The following DYNC2LI1 variants were observed in gnomAD, a reference collection of about 807,000 sequenced individuals.
DYNC2LI1 encodes cytoplasmic dynein 2 light intermediate chain 1.
Under a neutral mutation model 51.9 loss-of-function variants are expected in DYNC2LI1, and 45 were observed. The ratio of observed to expected loss-of-function variants is 0.87; its 90% CI spans 0.68 to 1.11. The LOEUF (loss-of-function observed/expected upper bound fraction) is 1.11. Ranked by LOEUF, DYNC2LI1 falls within the 50% of genes most tolerant of loss-of-function variation. DYNC2LI1 has a pLI of 0.00. For synonymous variants in DYNC2LI1, 130 were observed against 137.8 expected (o/e 0.94, Z 0.40); for missense variants, 490 against 417.4 (o/e 1.17, Z -1.51).
downstream of DYNC2LI1, chr2:43,810,019 A>G (rs1487075946): frequency 2.9e-6 from 3 of 1,038,528 alleles, no homozygotes; most frequent in Non-Finnish European, 3.7e-6. Flanking sequence ...AACATGTTTA[A>G]GTGGTATATA....
At chr2:43,819,059 G>C in the DYNC2LI1 span, among the ~76,000 whole-genome samples, 5 of 152,118 alleles carry the variant, frequency 3.3e-5, no homozygotes, top group Admixed American at 6.6e-5. Flanking sequence ...ATTGCTCTGA[G>C]AGTTAAATAA....
intron 10 of DYNC2LI1, among the ~76,000 whole-genome samples, chr2:43,802,498 G>A (rs1460329315): frequency 6.6e-6 from 1 of 151,968 alleles, no homozygotes; most frequent in Non-Finnish European, 1.5e-5. Context: ...GAATGGAGGT[G>A]ATTTTGCTTA....
rs776679741 is a variant in DYNC2LI1 at position 43,789,749 on chromosome 2, G to A, written c.320+28G>A. 26 of 1,595,790 alleles carry A rather than the reference G, an allele frequency of 1.6e-5. No individual in the cohort carries two copies. The African/African-American group carries it at 2.3e-4, about 14-fold the overall frequency. On this transcript the variant is annotated intron_variant, in intron 5 of 12. Coordinates refer to ENST00000260605, the MANE Select transcript of DYNC2LI1 (RefSeq NM_016008.4). ...AAGTGAGCCAGCTCCAGGAAAACCT[G>A]TAAGTACACAGGAGTGTCCCTAGGA...
At chr2:43,781,667 A>T (rs1359481422) in intron 2 of DYNC2LI1, 1 of 141,084 alleles carries the variant, frequency 7.1e-6, no homozygotes, top group East Asian at 2.0e-4. Flanking sequence ...CAGTGGTGTG[A>T]TCTCGGCTCA....
At chr2:43,813,263 A>T, downstream of DYNC2LI1, 1 of 1,613,962 alleles carries the variant, frequency 6.2e-7, no homozygotes, top group Non-Finnish European at 8.5e-7. Context: ...GAATTCCTTG[A>T]GTGAAGGCAC....
At chr2:43,791,406 T>G (rs1673777914) in intron 5 of DYNC2LI1, among the ~76,000 whole-genome samples, 1 of 152,100 alleles carries the variant, frequency 6.6e-6, no homozygotes. Flanking sequence ...GCTGGGGTTG[T>G]GGAAATTCTA....
At chr2:43,820,192 G>A in the DYNC2LI1 span, 26 of 1,459,146 alleles carry the variant, frequency 1.8e-5, no homozygotes, top group Non-Finnish European at 2.4e-5. Flanking sequence ...CCTTTGTGGT[G>A]AGTGGGTGGG....
In DYNC2LI1 at chr2:43,800,836, T is replaced by G; in HGVS notation, c.655-5T>G. ...ATGTAATTTGTTCTCCTGATTTGTT[T>G]AAAGTTTACCAGTAAATCAGAAGCT... is the stretch of plus-strand genomic sequence containing the variant. On this transcript the variant is annotated splice_region_variant and splice_polypyrimidine_tract_variant and intron_variant, in intron 8 of 12. Coordinates refer to ENST00000260605, the MANE Select transcript of DYNC2LI1 (RefSeq NM_016008.4). 1 of 1,556,872 alleles carries G rather than the reference T, an allele frequency of 6.4e-7. No individual in the cohort carries two copies. The highest frequency in any genetic ancestry group is 8.8e-7 in the Non-Finnish European group (1 of 1,140,718).
the DYNC2LI1 span, chr2:43,828,165 T>C: frequency 1.9e-6 from 3 of 1,612,084 alleles, no homozygotes; most frequent in Non-Finnish European, 2.5e-6. Flanking sequence ...GTGGCTGCTA[T>C]TTCAATTCAT....
At chr2:43,780,938 G>A (rs545864506) in intron 2 of DYNC2LI1, among the ~76,000 whole-genome samples, 12 of 152,310 alleles carry the variant, frequency 7.9e-5, no homozygotes, top group South Asian at 4.1e-4. Context: ...GGGGACCAGA[G>A]TGTACTAATG....
At chr2:43,813,719 T>TTTTG (rs1262256149), downstream of DYNC2LI1, among the ~76,000 whole-genome samples, 4 of 125,874 alleles carry the variant, frequency 3.2e-5, no homozygotes, top group Non-Finnish European at 6.7e-5. Flanking sequence ...GTTTTTTTTT[T>TTTTG]TTTTTTTTTT....
At chr2:43,816,017 G>A in the DYNC2LI1 span, among the ~76,000 whole-genome samples, 5 of 152,126 alleles carry the variant, frequency 3.3e-5, no homozygotes, top group Middle Eastern at 3.4e-3. Flanking sequence ...TAGTGGCTAG[G>A]GTGCTATCTT....
At chr2:43,822,680 G>A in the DYNC2LI1 span, 3 of 1,565,678 alleles carry the variant, frequency 1.9e-6, no homozygotes, top group Admixed American at 1.9e-5. Flanking sequence ...ACACTGATGG[G>A]CAAAGTGTAG....
chr2:43,792,691 A>G lies in DYNC2LI1; in HGVS notation c.321-1766A>G, dbSNP rs888527817. On this transcript the variant is annotated intron_variant, in intron 5 of 12. Coordinates refer to ENST00000260605, the MANE Select transcript of DYNC2LI1 (RefSeq NM_016008.4). ...CCTTCCCCAGCTCCTGGCAACTATCATCCCTACTGCCTGTCTCTATGAATT... is the reference window on the plus strand; with the variant it reads ...CCTTCCCCAGCTCCTGGCAACTATCGTCCCTACTGCCTGTCTCTATGAATT... 23 of 1,547,038 alleles carry G rather than the reference A, an allele frequency of 1.5e-5. No individual in the cohort carries two copies. In the African/African-American group the frequency reaches 2.6e-4, roughly 18 times the overall value.
At chr2:43,799,811 C>G (rs997391851) in intron 8 of DYNC2LI1, among the ~76,000 whole-genome samples, 3 of 152,124 alleles carry the variant, frequency 2.0e-5, no homozygotes, top group Non-Finnish European at 4.4e-5. Context: ...AGTTATATTT[C>G]TAAAATTCAG....
At chr2:43,805,997 C>T (rs1297522638) in intron 12 of DYNC2LI1, among the ~76,000 whole-genome samples, 1 of 151,898 alleles carries the variant, frequency 6.6e-6, no homozygotes, top group Non-Finnish European at 1.5e-5. Flanking sequence ...TTCTCTGCTT[C>T]AGCCTCCTGA....
At chr2:43,796,076 C>A in intron 7 of DYNC2LI1, 118 bp downstream of exon 7, 1 of 746,192 alleles carries the variant, frequency 1.3e-6, no homozygotes, top group South Asian at 2.0e-5. Context: ...TCGGTTAAGT[C>A]ATGCATCTTA....
At chr2:43,820,016 T>G in the DYNC2LI1 span, 1 of 1,614,176 alleles carries the variant, frequency 6.2e-7, no homozygotes, top group South Asian at 1.1e-5. Context: ...GCACAAGAGT[T>G]AGAAATTCAC....
chr2:43,812,758 T>TA (rs886056027), downstream of DYNC2LI1: 2 of 231,050 alleles, frequency 8.7e-6, no homozygotes, highest in South Asian at 1.4e-4. Context: ...CCTAATCCTT[T>TA]ATCCAATGTA....
Sources: gnomAD v4.1 joint callset for allele counts (sites outside exome capture counted in the v4.1 genomes callset) on GRCh38, gnomAD v4.1.1 for gene constraint, MANE v1.5 for transcripts, NCBI Gene and HGNC (gene_info 2026-07-23, HGNC 2026-07-21) for gene names.